Variants in BCAS4 observed in about 807,000 individuals in gnomAD.
The protein encoded by BCAS4 is breast carcinoma amplified sequence 4.
A neutral mutation model predicts 15.7 loss-of-function variants in BCAS4; 9 were observed. The ratio of observed to expected loss-of-function variants is 0.57; its 90% CI spans 0.34 to 1.00. BCAS4 has a LOEUF of 1.00. Ranked by LOEUF, BCAS4 falls within the 50% of genes least tolerant of loss-of-function variation. BCAS4 has a pLI of 0.02. For missense variants in BCAS4, 225 were observed against 239.1 expected (o/e 0.94, Z 0.39); for synonymous variants, 101 against 99.5 (o/e 1.02, Z -0.09).
intron 1 of BCAS4, among the ~76,000 whole-genome samples, chr20:50,804,602 G>C (rs2123751522): frequency 6.6e-6 from 1 of 152,314 alleles, no homozygotes; most frequent in East Asian, 1.9e-4. Context: ...CTGTGTCTGA[G>C]GACACATGCA....
rs565467721 is a variant in BCAS4 at position 50,795,061 on chromosome 20, A to C, written c.-23A>C. 92 of 1,484,166 alleles carry C rather than the reference A, an allele frequency of 6.2e-5. No individual in the cohort carries two copies. The African/African-American group carries it at 1.1e-3, about 18-fold the overall frequency. The allele number at this position is 1,484,166 out of a possible 1,614,324, so 91.9% of individuals were successfully genotyped here. A position where few individuals can be genotyped will look rare whatever the true frequency, so the allele number is the denominator to read the frequency against. On this transcript the variant is annotated 5_prime_UTR_variant, in exon 1 of 5. Transcript: ENST00000371608. ...CACGGGCTCCCAGGCAGCCTCCGCC[A>C]GCCGGACCCCGTCGCCCTCCTGATG...
chr20:50,811,184 C>T (rs1196280490), intron 1 of BCAS4, among the ~76,000 whole-genome samples: 1 of 151,876 alleles, frequency 6.6e-6, no homozygotes, highest in Non-Finnish European at 1.5e-5. Flanking sequence ...GTTTTCTGAG[C>T]AGGTAGAAGA....
At chr20:50,795,027 G>A (rs1274929090), upstream of BCAS4, 60 of 1,416,744 alleles carry the variant, frequency 4.2e-5, 1 homozygote, top group Non-Finnish European at 4.6e-5. Flanking sequence ...TCCGAGGCCC[G>A]GGCGCAACCA....
chr20:50,841,782 T>C lies in BCAS4; in HGVS notation c.281T>C (p.Val94Ala). 4 of 1,613,588 alleles carry C rather than the reference T, an allele frequency of 2.5e-6. No individual in the cohort carries two copies. The South Asian group carries it at 3.3e-5, about 13-fold the overall frequency. ...VDRLEAFVKM[V>A]GHHVAFLEAD... The stretch of plus-strand genomic sequence containing the variant: ...GTCCCTCAGGCCTTCGTCAAGATGG[T>C]TGGACACCACGTCGCCTTCCTGGAA... Residue 94 changes from valine to alanine, a missense_variant, in exon 4 of 5, where the codon GTT becomes GCT. Transcript: ENST00000371608.
Position 50,854,767 on chromosome 20 carries a change from C to A in BCAS4, c.399+12867C>A, listed in dbSNP as rs191311417. On this transcript the variant is annotated intron_variant, in intron 4 of 4. Coordinates refer to ENST00000371608, the MANE Select transcript of BCAS4 (RefSeq NM_198799.4). ...GGGGCTGATTGTTCCAAACCCCCCC[C>A]ACCATGCGGCACCGTAGGTGTGTCT... Among the ~76,000 whole-genome samples, 598 of 152,346 alleles carry A rather than the reference C, an allele frequency of 3.9e-3. 2 individuals carry two copies. The highest frequency in any genetic ancestry group is 6.0e-3 in the Non-Finnish European group (409 of 68,010).
chr20:50,795,198 G>A (rs954157113), intron 1 of BCAS4, 25 bp downstream of exon 1: 1 of 1,371,962 alleles, frequency 7.3e-7, no homozygotes, highest in Non-Finnish European at 9.5e-7. Context: ...TGTGGAGTTG[G>A]AGGAGAGGGT....
intron 1 of BCAS4, among the ~76,000 whole-genome samples, chr20:50,812,206 C>T (rs1447159333): frequency 6.6e-6 from 1 of 151,768 alleles, no homozygotes; most frequent in Non-Finnish European, 1.5e-5. Flanking sequence ...AATCTTGGCT[C>T]GCTGCAAGCT....
chr20:50,811,614 G>A (rs541595311), intron 1 of BCAS4, among the ~76,000 whole-genome samples: 45 of 152,162 alleles, frequency 3.0e-4, no homozygotes, highest in African/African-American at 9.9e-4. Context: ...ATCTCTGGAC[G>A]TTTCCTCCCT....
At chr20:50,831,155 G>T (rs975856456) in intron 3 of BCAS4, among the ~76,000 whole-genome samples, 2 of 152,142 alleles carry the variant, frequency 1.3e-5, no homozygotes, top group Non-Finnish European at 2.9e-5. Flanking sequence ...GAGGCTGGGC[G>T]CAGTGGCTCA....
At position 50,858,725 on chromosome 20, in the gene BCAS4, A is replaced by AT. The variant is rs58684022; in HGVS notation, c.399+16844dup. On this transcript the variant is annotated intron_variant, in intron 4 of 4. Transcript: ENST00000371608. ...AACCATCCTTTTTTTTTTTTCTTGA[A>AT]TTTTTTTTTTTTTTTTTTTGGTGAG... Among the ~76,000 whole-genome samples, 894 of 117,590 alleles carry AT rather than the reference A, an allele frequency of 7.6e-3. 15 individuals carry two copies. Among genetic ancestry groups the AT allele is most frequent in the Middle Eastern group, 0.015 (3 of 194 alleles). The allele number at this position is 117,590 out of a possible 152,430, so 77.1% of individuals were successfully genotyped here. A position where few individuals can be genotyped will look rare whatever the true frequency, so the allele number is the denominator to read the frequency against.
intron 4 of BCAS4, among the ~76,000 whole-genome samples, chr20:50,874,069 C>G (rs1979792649): frequency 6.6e-6 from 1 of 152,178 alleles, no homozygotes; most frequent in Non-Finnish European, 1.5e-5. Flanking sequence ...GAAACAGCCT[C>G]CTGCTGTCTC....
At position 50,830,280 on chromosome 20, in the gene BCAS4, T is replaced by A. The variant is rs1010198928; in HGVS notation, c.164T>A (p.Ile55Asn). The change falls in exon 3 of 5, where the codon ATC (isoleucine) becomes AAC (asparagine). Residue 55 changes from isoleucine to asparagine, a missense_variant and splice_region_variant. Ile to Asn is a moderately radical substitution (Grantham distance 149). Coordinates refer to ENST00000371608, the MANE Select transcript of BCAS4 (RefSeq NM_198799.4). The part of the protein sequence containing the change: ...LEEFCSLADL[I>N]RSDTSQILEE... ...GATGAGCTGTTTTGTTCCTTGCAGA[T>A]CAGGAGTGATACTTCACAGATCCTG... 6.2e-7 allele frequency: 1 copy of A among 1,613,338 alleles called. No individual in the cohort carries two copies. Among genetic ancestry groups the A allele is most frequent in the East Asian group, 2.2e-5 (1 of 44,876 alleles).
chr20:50,837,192 A>G (rs1471418910), intron 3 of BCAS4, among the ~76,000 whole-genome samples: 2 of 152,204 alleles, frequency 1.3e-5, no homozygotes, highest in East Asian at 3.8e-4. Context: ...ACAGGTGGGC[A>G]GTGGTAGAAC....
intron 4 of BCAS4, among the ~76,000 whole-genome samples, chr20:50,865,076 G>C (rs879610248): frequency 6.6e-6 from 1 of 152,114 alleles, no homozygotes; most frequent in Non-Finnish European, 1.5e-5. Flanking sequence ...CTGGGCGACA[G>C]AGCAAGACTC....
chr20:50,831,519 C>T (rs749943295), intron 3 of BCAS4, among the ~76,000 whole-genome samples: 20 of 152,176 alleles, frequency 1.3e-4, no homozygotes, highest in Admixed American at 1.3e-3. Context: ...TTACCGCTGA[C>T]GTAGCTCACC....
rs891102714 is a variant in BCAS4, at chr20:50,811,649, G to A, written c.91-6562G>A. Among the ~76,000 whole-genome samples, 9 of 152,258 alleles carry A rather than the reference G, an allele frequency of 5.9e-5. No individual in the cohort carries two copies. The South Asian group carries it at 1.7e-3, about 28-fold the overall frequency. On this transcript the variant is annotated intron_variant, in intron 1 of 4. Coordinates refer to ENST00000371608, the MANE Select transcript of BCAS4 (RefSeq NM_198799.4). ...TCCCTTCCTTTTCTTTTGAGATGGA[G>A]TCTCGTTCTCTCGCCGAGGCTGGAG...
chr20:50,806,537 C>T (rs546997675), intron 1 of BCAS4, among the ~76,000 whole-genome samples: 3 of 152,310 alleles, frequency 2.0e-5, no homozygotes. Flanking sequence ...ATTGGCCACC[C>T]TGGCAGTCCA....
At chr20:50,873,641 G>C (rs1600909024) in intron 4 of BCAS4, among the ~76,000 whole-genome samples, 1 of 152,216 alleles carries the variant, frequency 6.6e-6, no homozygotes. Context: ...CTCAGCTCCT[G>C]TTTGTGTTCT....
chr20:50,870,603 C>T (rs1001590550), intron 4 of BCAS4, among the ~76,000 whole-genome samples: 1 of 152,256 alleles, frequency 6.6e-6, no homozygotes, highest in Non-Finnish European at 1.5e-5. Flanking sequence ...AGCTCAGCCA[C>T]CCTCAGCCAT....
Sources: gnomAD v4.1 joint callset for allele counts (sites outside exome capture counted in the v4.1 genomes callset) on GRCh38, gnomAD v4.1.1 for gene constraint, MANE v1.5 for transcripts, NCBI Gene and HGNC (gene_info 2026-07-23, HGNC 2026-07-21) for gene names.